Variants in PTPRD observed in about 807,000 individuals in gnomAD.
PTPRD encodes receptor-type tyrosine-protein phosphatase delta.
PTPRD carries 34 observed loss-of-function variants against 214.5 expected under a neutral mutation model. That is an observed-to-expected ratio of 0.16 (90% confidence interval 0.12 to 0.21). The LOEUF (loss-of-function observed/expected upper bound fraction) is 0.21. Among genes scored for constraint, PTPRD ranks in the 10% least tolerant of loss-of-function variants. The probability of loss-of-function intolerance (pLI) is 1.00; values close to 1 mark genes in which losing one functional copy is unlikely to be tolerated. For missense variants in PTPRD, 2,545 were observed against 2,398.7 expected, an observed-to-expected ratio of 1.06 and a Z score of -1.27; for synonymous variants, 1,128 against 845.7, an observed-to-expected ratio of 1.33 and a Z score of -5.79.
intron 14 of PTPRD, among the ~76,000 whole-genome samples, chr9:8,537,582 C>T (rs979991696): frequency 6.6e-5 from 10 of 151,876 alleles, no homozygotes; most frequent in African/African-American, 2.4e-4. Flanking sequence ...ACAAGAGTCT[C>T]GAAAGATTTC....
At chr9:9,048,662 G>A (rs562934502) in intron 10 of PTPRD, among the ~76,000 whole-genome samples, 1 of 152,240 alleles carries the variant, frequency 6.6e-6, no homozygotes, top group South Asian at 2.1e-4. Flanking sequence ...GCTAGGAAAG[G>A]TAGTGGGCAG....
In PTPRD at chr9:10,057,501, A is replaced by C. The variant is rs573218946; in HGVS notation, c.-544-23711T>G. Among the ~76,000 whole-genome samples, 277 of 77,602 alleles carry C rather than the reference A, an allele frequency of 3.6e-3. 1 individual carries two copies. Among genetic ancestry groups the C allele is most frequent in the African/African-American group, 0.022 (243 of 10,846 alleles). 50.9% of individuals were successfully genotyped at this position (77,602 alleles called of 152,430 possible). A position where few individuals can be genotyped will look rare whatever the true frequency, so the allele number is the denominator to read the frequency against. On this transcript the variant is annotated intron_variant, in intron 3 of 45. Coordinates refer to ENST00000381196, the MANE Select transcript of PTPRD (RefSeq NM_002839.4). ...ATAGACCTAAGGACATTAAAGAAGAAAAAAATCCTCCCTAAACATTTGGAG... is the reference window on the plus strand; with the variant it reads ...ATAGACCTAAGGACATTAAAGAAGACAAAAATCCTCCCTAAACATTTGGAG...
At chr9:9,290,167 G>T (rs547461427) in intron 9 of PTPRD, among the ~76,000 whole-genome samples, 1 of 151,852 alleles carries the variant, frequency 6.6e-6, no homozygotes, top group East Asian at 2.0e-4. Flanking sequence ...GATGTGAGGT[G>T]ATACCTCATT....
rs2093840675 is a variant in PTPRD, at chr9:9,463,367, G to A, written c.-236-65885C>T. Among the ~76,000 whole-genome samples the A allele has an allele frequency of 2.6e-5, 4 of 152,130 alleles. No homozygotes were observed. The South Asian group carries it at 8.3e-4, about 31-fold the overall frequency. Reference sequence around the variant, plus strand: ...TCCTTCACTACTTCTGGATGAGAGAGTGGGTTGGAAGAGGGAGGGAGGGGC... The same window carrying A: ...TCCTTCACTACTTCTGGATGAGAGAATGGGTTGGAAGAGGGAGGGAGGGGC... On this transcript the variant is annotated intron_variant, in intron 8 of 45. Coordinates refer to ENST00000381196, the MANE Select transcript of PTPRD (RefSeq NM_002839.4).
chr9:9,675,975 T>G (rs1056679786), intron 7 of PTPRD, among the ~76,000 whole-genome samples: 1 of 152,074 alleles, frequency 6.6e-6, no homozygotes, highest in African/African-American at 2.4e-5. Context: ...AGACTGAGTT[T>G]GATTTACCAC....
intron 10 of PTPRD, among the ~76,000 whole-genome samples, chr9:9,043,691 G>T (rs185421681): frequency 3.4e-4 from 52 of 152,130 alleles, no homozygotes; most frequent in African/African-American, 1.2e-3. Flanking sequence ...ATCACGTGAG[G>T]CCAGATGTTT....
intron 3 of PTPRD, among the ~76,000 whole-genome samples, chr9:10,270,623 C>T (rs1165501787): frequency 6.6e-6 from 1 of 152,150 alleles, no homozygotes; most frequent in African/African-American, 2.4e-5. Flanking sequence ...TTGGAAAACA[C>T]TTCAGGCTCA....
chr9:8,910,884 T>C lies in PTPRD; in HGVS notation c.-104+107813A>G, dbSNP rs182048233. 5.6e-4 allele frequency among the ~76,000 whole-genome samples: 85 copies of C among 152,224 alleles called. 1 individual carries two copies. Among genetic ancestry groups the C allele is most frequent in the African/African-American group, 1.7e-3 (72 of 41,540 alleles). ...TAGGATAAAAACACTCAGAAATAAA[T>C]TGAACAAAAGAAGCGCAAGCCTTGT... On this transcript the variant is annotated intron_variant, in intron 11 of 45. Coordinates refer to ENST00000381196, the MANE Select transcript of PTPRD (RefSeq NM_002839.4).
chr9:8,984,432 T>TA (rs913081670), intron 11 of PTPRD, among the ~76,000 whole-genome samples: 1 of 152,040 alleles, frequency 6.6e-6, no homozygotes, highest in African/African-American at 2.4e-5. Context: ...TATATCAATA[T>TA]AAAAAAATTT....
At chr9:9,619,920 G>A (rs1235648226) in intron 7 of PTPRD, among the ~76,000 whole-genome samples, 1 of 150,310 alleles carries the variant, frequency 6.7e-6, no homozygotes, top group Non-Finnish European at 1.5e-5. Context: ...AAGTATATAT[G>A]TAATATAGAT....
chr9:9,682,387 A>C (rs1465931055), intron 7 of PTPRD, among the ~76,000 whole-genome samples: 1 of 151,812 alleles, frequency 6.6e-6, no homozygotes, highest in Non-Finnish European at 1.5e-5. Context: ...GAGAATGCTC[A>C]CATTTTCTGT....
At chr9:9,067,494 G>C (rs1312524099) in intron 10 of PTPRD, among the ~76,000 whole-genome samples, 2 of 152,092 alleles carry the variant, frequency 1.3e-5, no homozygotes, top group Non-Finnish European at 1.5e-5. Flanking sequence ...CTCTATTCAA[G>C]TGTACCTCTT....
At chr9:8,835,400 T>C (rs1444797362) in intron 11 of PTPRD, among the ~76,000 whole-genome samples, 2 of 152,248 alleles carry the variant, frequency 1.3e-5, no homozygotes, top group Non-Finnish European at 2.9e-5. Flanking sequence ...TAAACTCTTC[T>C]TGCCCAGAGA....
chr9:8,664,640 T>G (rs1241984719), intron 12 of PTPRD, among the ~76,000 whole-genome samples: 1 of 152,202 alleles, frequency 6.6e-6, no homozygotes, highest in East Asian at 1.9e-4. Context: ...AGCTCTGGTG[T>G]TTATGGTATA....
At chr9:8,800,539 C>T (rs538569906) in intron 11 of PTPRD, among the ~76,000 whole-genome samples, 1 of 152,260 alleles carries the variant, frequency 6.6e-6, no homozygotes, top group East Asian at 1.9e-4. Context: ...CTGCTACACT[C>T]CCACCAACAC....
chr9:9,675,050 A>T (rs376041848), intron 7 of PTPRD, among the ~76,000 whole-genome samples: 2 of 151,924 alleles, frequency 1.3e-5, no homozygotes, highest in East Asian at 3.9e-4. Flanking sequence ...TCATATTCAA[A>T]ATTTATAAAA....
intron 3 of PTPRD, among the ~76,000 whole-genome samples, chr9:10,222,028 T>C (rs1031098857): frequency 1.3e-5 from 2 of 151,438 alleles, no homozygotes; most frequent in African/African-American, 2.4e-5. Context: ...AGAAAAAAAA[T>C]GCCAGCTAAA....
At chr9:8,339,813 T>TAATA (rs1188609008) in intron 42 of PTPRD, among the ~76,000 whole-genome samples, 2 of 148,632 alleles carry the variant, frequency 1.3e-5, no homozygotes, top group Non-Finnish European at 3.0e-5. Flanking sequence ...TAAGTATTTC[T>TAATA]AATACTATTT....
intron 3 of PTPRD, among the ~76,000 whole-genome samples, chr9:10,126,340 T>C (rs568935819): frequency 6.6e-6 from 1 of 152,004 alleles, no homozygotes; most frequent in Admixed American, 6.6e-5. Flanking sequence ...ATACTTGTTT[T>C]AATTTTTTAA....
Sources: gnomAD v4.1 joint callset for allele counts (sites outside exome capture counted in the v4.1 genomes callset) on GRCh38, gnomAD v4.1.1 for gene constraint, MANE v1.5 for transcripts, NCBI Gene and HGNC (gene_info 2026-07-23, HGNC 2026-07-21) for gene names.